The following ULK4 variants were observed in gnomAD, a reference collection of about 807,000 sequenced individuals.
ULK4 encodes the protein inactive serine/threonine-protein kinase ULK4.
A neutral mutation model predicts 160.6 loss-of-function variants in ULK4; 133 were observed. The ratio of observed to expected loss-of-function variants is 0.83; its 90% CI spans 0.72 to 0.96. The LOEUF is 0.96. Ranked by LOEUF, ULK4 falls within the 40% of genes least tolerant of loss-of-function variation. ULK4 has a pLI of 0.00. For missense variants in ULK4, 1,580 were observed against 1,499.5 expected (o/e 1.05, Z -0.89); for synonymous variants, 534 against 539.8 (o/e 0.99, Z 0.15).
intron 17 of ULK4, among the ~76,000 whole-genome samples, chr3:41,866,386 T>G (rs1040378886): frequency 1.3e-5 from 2 of 152,238 alleles, no homozygotes; most frequent in African/African-American, 4.8e-5. Context: ...AAGACAATTT[T>G]TCCATGGACC....
intron 35 of ULK4, among the ~76,000 whole-genome samples, chr3:41,253,787 G>A (rs551143389): frequency 1.1e-4 from 16 of 152,214 alleles, no homozygotes; most frequent in South Asian, 8.3e-4. Context: ...AATATAATGA[G>A]ATAGTGGTTT....
rs533251962 is a variant in ULK4, at chr3:41,403,239, C to T, written c.3493-4975G>A. ...ATTTTCCAGTGAAATTATCTGGGCCCAGAGTTTGCTTTTTAGGAGTATTAA... is the reference window on the plus strand; with the variant it reads ...ATTTTCCAGTGAAATTATCTGGGCCTAGAGTTTGCTTTTTAGGAGTATTAA... On this transcript the variant is annotated intron_variant, in intron 34 of 36. Transcript: ENST00000301831. 2.0e-5 allele frequency among the ~76,000 whole-genome samples: 3 copies of T among 151,968 alleles called. No individual in the cohort carries two copies. The East Asian group carries it at 5.8e-4, about 29-fold the overall frequency.
intron 21 of ULK4, among the ~76,000 whole-genome samples, chr3:41,761,173 T>C (rs930495022): frequency 1.3e-5 from 2 of 152,062 alleles, no homozygotes; most frequent in Admixed American, 6.6e-5. Context: ...CTGGTGGTGG[T>C]AACAAGAGTC....
intron 27 of ULK4, among the ~76,000 whole-genome samples, chr3:41,692,604 C>G (rs2036343015): frequency 6.6e-6 from 1 of 150,676 alleles, no homozygotes; most frequent in Non-Finnish European, 1.5e-5. Flanking sequence ...TCAAGCTCCT[C>G]TGTACCAGTG....
intron 30 of ULK4, among the ~76,000 whole-genome samples, chr3:41,633,530 G>T (rs2033829809): frequency 6.6e-6 from 1 of 151,852 alleles, no homozygotes; most frequent in Admixed American, 6.5e-5. Flanking sequence ...CTTTCTCTAG[G>T]TGGCTGGGTG....
chr3:41,756,760 C>T (rs570504519), intron 21 of ULK4, among the ~76,000 whole-genome samples: 3 of 152,124 alleles, frequency 2.0e-5, no homozygotes, highest in Non-Finnish European at 4.4e-5. Flanking sequence ...TTGATCTACA[C>T]AAAATTAACA....
At chr3:41,893,810 T>G (rs1447416764) in intron 16 of ULK4, among the ~76,000 whole-genome samples, 2 of 152,180 alleles carry the variant, frequency 1.3e-5, no homozygotes, top group Non-Finnish European at 2.9e-5. Context: ...GATTCTAATT[T>G]TTTATATACA....
chr3:41,435,452 T>C (rs1186831623), intron 34 of ULK4, among the ~76,000 whole-genome samples: 1 of 152,220 alleles, frequency 6.6e-6, no homozygotes, highest in African/African-American at 2.4e-5. Flanking sequence ...CTAGGAAGGA[T>C]GGTTAATGGG....
intron 30 of ULK4, among the ~76,000 whole-genome samples, chr3:41,638,119 G>A (rs892117249): frequency 5.9e-5 from 9 of 152,042 alleles, no homozygotes; most frequent in Non-Finnish European, 1.2e-4. Flanking sequence ...GCAAACAGTG[G>A]TGTACGAAAG....
intron 32 of ULK4, among the ~76,000 whole-genome samples, chr3:41,517,664 C>T (rs1282262256): frequency 2.6e-5 from 4 of 152,110 alleles, no homozygotes; most frequent in African/African-American, 7.2e-5. Context: ...CTAATGGTGC[C>T]GTGACTAAAG....
At chr3:41,800,037 T>A in intron 20 of ULK4, 95 bp downstream of exon 20, 5 of 1,160,702 alleles carry the variant, frequency 4.3e-6, no homozygotes, top group Non-Finnish European at 4.6e-6. Context: ...CAGTTTCCTA[T>A]CTATTAAATT....
At chr3:41,292,438 A>G (rs1336992315) in intron 35 of ULK4, among the ~76,000 whole-genome samples, 2 of 152,188 alleles carry the variant, frequency 1.3e-5, no homozygotes, top group Non-Finnish European at 2.9e-5. Flanking sequence ...TGAGGTCAGG[A>G]GTTCGAGACC....
At chr3:41,537,300 T>C (rs1575377771) in intron 32 of ULK4, among the ~76,000 whole-genome samples, 1 of 152,198 alleles carries the variant, frequency 6.6e-6, no homozygotes, top group South Asian at 2.1e-4. Flanking sequence ...CAGGAATTTA[T>C]TGTTTCAGGC....
intron 14 of ULK4, among the ~76,000 whole-genome samples, chr3:41,898,128 C>A (rs1201485802): frequency 6.6e-6 from 1 of 152,126 alleles, no homozygotes; most frequent in Non-Finnish European, 1.5e-5. Flanking sequence ...GGAAATTCAA[C>A]CAGCTCTAAG....
intron 27 of ULK4, among the ~76,000 whole-genome samples, chr3:41,685,784 T>C (rs1402178246): frequency 6.6e-6 from 1 of 151,928 alleles, no homozygotes; most frequent in African/African-American, 2.4e-5. Flanking sequence ...GGGAATTCTC[T>C]CTCTCTCTCA....
chr3:41,856,560 T>TAC lies in ULK4; in HGVS notation c.1657-20591_1657-20590dup, dbSNP rs747299544. On this transcript the variant is annotated intron_variant, in intron 17 of 36. Transcript: ENST00000301831. ...ATGTATATATATATGTGTATATATA[T>TAC]ACACATATATATATGTGTATATATA... 3.6e-4 allele frequency among the ~76,000 whole-genome samples: 21 copies of TAC among 57,984 alleles called. 3 individuals are homozygous for TAC. The East Asian group carries it at 6.4e-3, about 18-fold the overall frequency. 38.0% of individuals were successfully genotyped at this position (57,984 alleles called of 152,430 possible).
At chr3:41,658,737 A>ACACACACACACACTCTCT (rs1553628730) in intron 30 of ULK4, among the ~76,000 whole-genome samples, 7 of 151,062 alleles carry the variant, frequency 4.6e-5, no homozygotes, top group Non-Finnish European at 1.0e-4. Context: ...GTACACACAC[A>ACACACACACACACTCTCT]CACACACACA....
At chr3:41,645,277 G>A (rs1192046077) in intron 30 of ULK4, among the ~76,000 whole-genome samples, 2 of 151,462 alleles carry the variant, frequency 1.3e-5, no homozygotes, top group African/African-American at 4.9e-5. Flanking sequence ...TCTTTTAATT[G>A]TGATGTTAGG....
intron 35 of ULK4, among the ~76,000 whole-genome samples, chr3:41,308,493 C>G (rs535550719): frequency 6.6e-6 from 1 of 150,986 alleles, no homozygotes; most frequent in Non-Finnish European, 1.5e-5. Flanking sequence ...AAGGAAAGAT[C>G]AGGACACAGA....
Sources: allele counts gnomAD v4.1 joint callset (sites outside exome capture counted in the v4.1 genomes callset), GRCh38; gene constraint gnomAD v4.1.1; transcripts MANE v1.5; gene names NCBI Gene and HGNC (gene_info 2026-07-23, HGNC 2026-07-21).